Variants in RBFOX1 observed in about 807,000 individuals in gnomAD.
RBFOX1 encodes RNA binding protein fox-1 homolog 1.
In RBFOX1, 8 loss-of-function variants were observed where a neutral mutation model predicts 57.7. The observed-to-expected ratio is 0.14, with a 90% CI of 0.08 to 0.25. The LOEUF (loss-of-function observed/expected upper bound fraction) is 0.25, where lower values mean the gene tolerates loss of function less well. Among genes scored for constraint, RBFOX1 ranks in the 10% least tolerant of loss-of-function variants. The pLI is 1.00. For synonymous variants in RBFOX1, 326 were observed against 222.4 expected (o/e 1.47, Z -4.15); for missense variants, 611 against 548.5 (o/e 1.11, Z -1.14).
chr16:6,882,090 C>G (rs1225527967), intron 3 of RBFOX1, among the ~76,000 whole-genome samples: 2 of 152,124 alleles, frequency 1.3e-5, no homozygotes, highest in East Asian at 3.9e-4. Flanking sequence ...GCCCCCTATT[C>G]CCTGCAGGTT....
chr16:6,357,760 C>T (rs571615011), intron 2 of RBFOX1, among the ~76,000 whole-genome samples: 3 of 151,918 alleles, frequency 2.0e-5, no homozygotes, highest in East Asian at 2.0e-4. Context: ...ACCAGCCTGG[C>T]GAACATCGTG....
chr16:5,244,048 C>A (rs1023815142), intron 1 of RBFOX1, among the ~76,000 whole-genome samples: 1 of 152,074 alleles, frequency 6.6e-6, no homozygotes, highest in Admixed American at 6.5e-5. Context: ...AGGTCCCCAC[C>A]ACCACAGCCG....
At chr16:6,123,578 C>T (rs1338415649) in intron 1 of RBFOX1, among the ~76,000 whole-genome samples, 10 of 152,148 alleles carry the variant, frequency 6.6e-5, no homozygotes, top group African/African-American at 7.2e-5. Flanking sequence ...AAAAGGGTAG[C>T]AGCGATGGTT....
intron 4 of RBFOX1, among the ~76,000 whole-genome samples, chr16:7,353,710 A>T (rs1308418761): frequency 1.3e-5 from 2 of 152,206 alleles, no homozygotes; most frequent in African/African-American, 4.8e-5. Flanking sequence ...GATACAAAGG[A>T]CTACATATTG....
intron 1 of RBFOX1, among the ~76,000 whole-genome samples, chr16:5,252,766 G>C (rs1388153898): frequency 6.6e-6 from 1 of 152,248 alleles, no homozygotes; most frequent in Non-Finnish European, 1.5e-5. Context: ...GTGTGCAGAT[G>C]GCTGCAAAGC....
chr16:6,811,504 T>C (rs2088571781), intron 3 of RBFOX1, among the ~76,000 whole-genome samples: 1 of 152,194 alleles, frequency 6.6e-6, no homozygotes, highest in Non-Finnish European at 1.5e-5. Flanking sequence ...GTTTAAGTGA[T>C]TATGTAGCTA....
At chr16:5,511,242 C>T (rs568804892) in intron 2 of RBFOX1, among the ~76,000 whole-genome samples, 14 of 152,258 alleles carry the variant, frequency 9.2e-5, no homozygotes, top group East Asian at 3.9e-4. Context: ...GCTTGGCTGG[C>T]GGAACTGAGA....
chr16:6,511,619 G>A (rs562580668), intron 2 of RBFOX1, among the ~76,000 whole-genome samples: 4 of 152,182 alleles, frequency 2.6e-5, no homozygotes, highest in Non-Finnish European at 5.9e-5. Context: ...TGGTTAGAAT[G>A]AGCGCCAAAG....
chr16:6,871,598 C>A (rs1567651525), intron 3 of RBFOX1, among the ~76,000 whole-genome samples: 2 of 152,048 alleles, frequency 1.3e-5, no homozygotes, highest in African/African-American at 2.4e-5. Context: ...TCTCCATTCT[C>A]CTTCTATTCT....
chr16:6,601,886 TCA>T (rs1257599367), intron 2 of RBFOX1, among the ~76,000 whole-genome samples: 1 of 152,062 alleles, frequency 6.6e-6, no homozygotes, highest in Admixed American at 6.5e-5. Flanking sequence ...GGGGTTAGAG[TCA>T]CAGTTTGTGC....
chr16:7,432,186 G>A (rs1189109518), intron 4 of RBFOX1, among the ~76,000 whole-genome samples: 1 of 152,214 alleles, frequency 6.6e-6, no homozygotes, highest in African/African-American at 2.4e-5. Context: ...TTTGCCTGGG[G>A]CGGAAATGTG....
chr16:7,698,322 C>T (rs1289431880), intron 14 of RBFOX1, among the ~76,000 whole-genome samples: 1 of 151,968 alleles, frequency 6.6e-6, no homozygotes, highest in Non-Finnish European at 1.5e-5. Flanking sequence ...GACATGTTTT[C>T]ATCTCAGTTC....
chr16:6,741,542 A>C (rs1433504187), intron 3 of RBFOX1, among the ~76,000 whole-genome samples: 1 of 151,716 alleles, frequency 6.6e-6, no homozygotes, highest in East Asian at 1.9e-4. Context: ...GGTGGTGCGC[A>C]CCTGTAATCC....
intron 3 of RBFOX1, among the ~76,000 whole-genome samples, chr16:5,700,221 C>T (rs11865775): frequency 0.77 from 117,568 of 151,948 alleles, 49,961 homozygotes; most frequent in Non-Finnish European, 0.94. Context: ...GCAAACTATT[C>T]GATCAATTTT....
intron 3 of RBFOX1, among the ~76,000 whole-genome samples, chr16:7,022,721 G>C (rs910980218): frequency 2.6e-5 from 4 of 152,164 alleles, no homozygotes; most frequent in African/African-American, 9.7e-5. Flanking sequence ...GCAAAATGAG[G>C]AAAAACGAAG....
chr16:7,694,629 T>A (rs1450794803), intron 14 of RBFOX1, among the ~76,000 whole-genome samples: 2 of 152,230 alleles, frequency 1.3e-5, no homozygotes, highest in African/African-American at 4.8e-5. Context: ...CTCGTATCTC[T>A]GCTTCTCATT....
chr16:7,459,765 A>C (rs540088759), intron 4 of RBFOX1, among the ~76,000 whole-genome samples: 30 of 152,206 alleles, frequency 2.0e-4, no homozygotes, highest in Non-Finnish European at 3.8e-4. Flanking sequence ...TGGAAAATAT[A>C]ATAAATGTAG....
chr16:6,861,623 G>A (rs2059016683), intron 3 of RBFOX1, among the ~76,000 whole-genome samples: 1 of 151,664 alleles, frequency 6.6e-6, no homozygotes, highest in Non-Finnish European at 1.5e-5. Flanking sequence ...CCTCTACATT[G>A]GGTCTTTATG....
chr16:7,504,752 TATTTA>T (rs2072465492), intron 4 of RBFOX1, among the ~76,000 whole-genome samples: 5 of 6,140 alleles, frequency 8.1e-4, no homozygotes, highest in East Asian at 1.7e-3. Flanking sequence ...TATATATATA[TATTTA>T]TATATATATA....
Sources: allele counts gnomAD v4.1 joint callset (sites outside exome capture counted in the v4.1 genomes callset), GRCh38; gene constraint gnomAD v4.1.1; transcripts MANE v1.5; gene names NCBI Gene and HGNC (gene_info 2026-07-23, HGNC 2026-07-21).